Variants in GABRA4 observed in about 807,000 individuals in gnomAD.
GABRA4 encodes the protein gamma-aminobutyric acid receptor subunit alpha-4.
In GABRA4, 12 loss-of-function variants were observed where a neutral mutation model predicts 49.7. The ratio of observed to expected loss-of-function variants is 0.24; its 90% CI spans 0.15 to 0.39. GABRA4 has a LOEUF of 0.39. Ranked by LOEUF, GABRA4 falls within the 10% of genes least tolerant of loss-of-function variation. The pLI is 1.00. For missense variants in GABRA4, 506 were observed against 686.0 expected, an observed-to-expected ratio of 0.74 and a Z score of 2.93; for synonymous variants, 288 against 240.2, an observed-to-expected ratio of 1.20 and a Z score of -1.84.
chr4:46,921,171 AG>A lies in GABRA4; in HGVS notation c.*7053del, dbSNP rs1721013868. The A allele has an allele frequency of 6.6e-6, 1 of 151,700 alleles. No individual in the cohort carries two copies. The highest frequency in any genetic ancestry group is 2.1e-4 in the South Asian group (1 of 4,820). 9.4% of individuals were successfully genotyped at this position (151,700 alleles called of 1,614,324 possible). ...ACGGAAGTAATTAGTGGTAGAGAAA[AG>A]CTATTAAGAAACCATAGCATTTAAA... is the stretch of plus-strand genomic sequence containing the variant. On this transcript the variant is annotated 3_prime_UTR_variant, in exon 9 of 9. Transcript: ENST00000264318.
intron 7 of GABRA4, among the ~76,000 whole-genome samples, chr4:46,968,587 A>G (rs943340750): frequency 2.0e-5 from 3 of 151,776 alleles, no homozygotes; most frequent in East Asian, 1.9e-4. Flanking sequence ...TCCCTTAACT[A>G]TAAAAATAAT....
intron 8 of GABRA4, among the ~76,000 whole-genome samples, chr4:46,961,213 T>G (rs989614605): frequency 1.6e-4 from 25 of 151,872 alleles, no homozygotes; most frequent in Admixed American, 3.3e-4. Flanking sequence ...CACGCCATTC[T>G]TAAAGGGCCC....
intron 8 of GABRA4, among the ~76,000 whole-genome samples, chr4:46,960,793 A>G (rs1294843743): frequency 6.6e-6 from 1 of 151,750 alleles, no homozygotes; most frequent in African/African-American, 2.4e-5. Flanking sequence ...AAATAAACTA[A>G]TAAGAGGCAA....
chr4:46,966,588 G>A (rs1722759936), intron 7 of GABRA4, among the ~76,000 whole-genome samples: 1 of 151,646 alleles, frequency 6.6e-6, no homozygotes, highest in Admixed American at 6.6e-5. Context: ...GATTGCTTCA[G>A]GTTTATAATA....
chr4:46,942,073 T>C (rs1371819942), intron 8 of GABRA4, among the ~76,000 whole-genome samples: 1 of 152,194 alleles, frequency 6.6e-6, no homozygotes, highest in Non-Finnish European at 1.5e-5. Flanking sequence ...TTTTAATTTG[T>C]TGATTCATCC....
At chr4:46,982,296 G>A (rs141567520) in intron 2 of GABRA4, among the ~76,000 whole-genome samples, 10 of 152,126 alleles carry the variant, frequency 6.6e-5, no homozygotes, top group Admixed American at 2.6e-4. Flanking sequence ...TTTTTAAAGA[G>A]ATACTTAAGT....
In GABRA4 at chr4:46,921,119, A is replaced by G. The variant is rs952959237; in HGVS notation, c.*7106T>C. On this transcript the variant is annotated 3_prime_UTR_variant, in exon 9 of 9. Coordinates refer to ENST00000264318, the MANE Select transcript of GABRA4 (RefSeq NM_000809.4). Reference sequence around the variant, plus strand: ...TTTTATTCAAAATTTCTTTTATATTACGCATGGGTATTTCTTTTTTTTTTT... The same window carrying G: ...TTTTATTCAAAATTTCTTTTATATTGCGCATGGGTATTTCTTTTTTTTTTT... 6.6e-6 allele frequency: 1 copy of G among 151,546 alleles called. No homozygotes were observed. The highest frequency in any genetic ancestry group is 1.5e-5 in the Non-Finnish European group (1 of 67,762). 9.4% of individuals were successfully genotyped at this position (151,546 alleles called of 1,614,324 possible).
Position 46,925,764 on chromosome 4 carries a change from A to T in GABRA4, c.*2461T>A, listed in dbSNP as rs1577736866. 6.8e-6 allele frequency: 1 copy of T among 146,284 alleles called. No individual in the cohort carries two copies. The highest frequency in any genetic ancestry group is 2.5e-5 in the African/African-American group (1 of 40,196). The allele number at this position is 146,284 out of a possible 1,614,324, so 9.1% of individuals were successfully genotyped here. A position where few individuals can be genotyped will look rare whatever the true frequency, so the allele number is the denominator to read the frequency against. On this transcript the variant is annotated 3_prime_UTR_variant, in exon 9 of 9. Coordinates refer to ENST00000264318, the MANE Select transcript of GABRA4 (RefSeq NM_000809.4). ...TATTATTATTATTATTATTATCATC[A>T]TTATTATCATTGTGTGCAAATGAAA...
At chr4:46,992,242 C>G (rs866727686) in intron 2 of GABRA4, among the ~76,000 whole-genome samples, 1 of 152,102 alleles carries the variant, frequency 6.6e-6, no homozygotes, top group Admixed American at 6.5e-5. Context: ...ACATCTCTAA[C>G]TTTAAAGTCT....
Position 46,949,806 on chromosome 4 carries a change from G to T in GABRA4, c.1134+15164C>A, listed in dbSNP as rs1456303512. ...CATAAGAAACACTGTGGGAAAATAA[G>T]TATAAAGAAAAAGAAATTAGATATT... is the stretch of plus-strand genomic sequence containing the variant. On this transcript the variant is annotated intron_variant, in intron 8 of 8. Transcript: ENST00000264318. Among the ~76,000 whole-genome samples, 8 of 152,088 alleles carry T rather than the reference G, an allele frequency of 5.3e-5. No individual in the cohort carries two copies. In the East Asian group the frequency reaches 1.6e-3, roughly 29 times the overall value.
chr4:46,979,925 A>C (rs1183868018), intron 2 of GABRA4, among the ~76,000 whole-genome samples: 1 of 152,138 alleles, frequency 6.6e-6, no homozygotes, highest in East Asian at 1.9e-4. Flanking sequence ...ATGTGGGAGC[A>C]TAATGACAAT....
intron 1 of GABRA4, 116 bp downstream of exon 1, chr4:46,993,223 C>T: frequency 1.1e-6 from 1 of 918,670 alleles, no homozygotes; most frequent in Non-Finnish European, 1.8e-6. Flanking sequence ...CCTGCTCTTA[C>T]AGCTGAGATA....
chr4:46,990,918 C>T (rs1723719106), intron 2 of GABRA4, among the ~76,000 whole-genome samples: 2 of 152,322 alleles, frequency 1.3e-5, no homozygotes, highest in South Asian at 4.1e-4. Context: ...GCGGCTCACG[C>T]CTATAATCCC....
At position 46,979,019 on chromosome 4, in the gene GABRA4, G is replaced by A. The variant is rs772395680; in HGVS notation, c.273+12C>T. 23 of 1,586,554 alleles carry A rather than the reference G, an allele frequency of 1.4e-5. No individual in the cohort carries two copies. Among genetic ancestry groups the A allele is most frequent in the Middle Eastern group, 1.7e-4 (1 of 5,928 alleles). ...AGTCTCAAAAGGTACATTAAACTTC[G>A]AAAATACCTACCATTTCAACATCAG... On this transcript the variant is annotated intron_variant, in intron 3 of 8. Transcript: ENST00000264318.
At chr4:46,955,692 A>C (rs1257256047) in intron 8 of GABRA4, among the ~76,000 whole-genome samples, 1 of 152,102 alleles carries the variant, frequency 6.6e-6, no homozygotes, top group African/African-American at 2.4e-5. Context: ...TCATAAATAT[A>C]ACAGGTTCCC....
chr4:46,993,494 A>G lies in GABRA4; in HGVS notation c.-70T>C. ...CTTCAGATGCCCTGAGCAGGGTGCG[A>G]GGAGAGGGCAGAGAGGCTCCCGCGG... is the stretch of plus-strand genomic sequence containing the variant. On this transcript the variant is annotated 5_prime_UTR_variant, in exon 1 of 9. Coordinates refer to ENST00000264318, the MANE Select transcript of GABRA4 (RefSeq NM_000809.4). 1.3e-6 allele frequency: 2 copies of G among 1,513,794 alleles called. No homozygotes were observed. The highest frequency in any genetic ancestry group is 1.8e-6 in the Non-Finnish European group (2 of 1,091,438). The allele number at this position is 1,513,794 out of a possible 1,614,324, so 93.8% of individuals were successfully genotyped here.
intron 2 of GABRA4, among the ~76,000 whole-genome samples, chr4:46,980,586 G>A (rs1018323475): frequency 2.0e-5 from 3 of 152,038 alleles, no homozygotes; most frequent in Non-Finnish European, 4.4e-5. Context: ...AAGAGAAAAA[G>A]TCTGAATCAG....
intron 6 of GABRA4, among the ~76,000 whole-genome samples, chr4:46,973,062 A>G (rs1328799839): frequency 6.6e-6 from 1 of 151,816 alleles, no homozygotes; most frequent in Non-Finnish European, 1.5e-5. Flanking sequence ...AATACATTGT[A>G]CTTAAACCTT....
chr4:46,936,391 G>A (rs200320499), intron 8 of GABRA4, among the ~76,000 whole-genome samples: 5 of 151,992 alleles, frequency 3.3e-5, no homozygotes, highest in African/African-American at 9.7e-5. Flanking sequence ...CTGGGACTAC[G>A]GGCATGTGCC....
Sources: allele counts gnomAD v4.1 joint callset (sites outside exome capture counted in the v4.1 genomes callset), GRCh38; gene constraint gnomAD v4.1.1; transcripts MANE v1.5; gene names NCBI Gene and HGNC (gene_info 2026-07-23, HGNC 2026-07-21).